Variants in TRDN observed in about 807,000 individuals in gnomAD.
TRDN encodes triadin.
TRDN carries 161 observed loss-of-function variants against 149.7 expected under a neutral mutation model. That is an observed-to-expected ratio of 1.08 (90% confidence interval 0.95 to 1.23). The LOEUF is 1.23. TRDN is among the 50% of genes most tolerant of loss of function. The probability of loss-of-function intolerance (pLI) is 0.00; values close to 1 mark genes in which losing one functional copy is unlikely to be tolerated. For synonymous variants in TRDN, 294 were observed against 250.5 expected (o/e 1.17, Z -1.64); for missense variants, 896 against 823.5 (o/e 1.09, Z -1.08).
intron 29 of TRDN, among the ~76,000 whole-genome samples, chr6:123,271,795 T>C (rs1777215063): frequency 6.6e-6 from 1 of 152,038 alleles, no homozygotes; most frequent in African/African-American, 2.4e-5. Context: ...TCAAATATCC[T>C]AAGTAGAAAG....
intron 12 of TRDN, among the ~76,000 whole-genome samples, chr6:123,425,910 A>G (rs1212527214): frequency 1.3e-5 from 2 of 151,358 alleles, no homozygotes; most frequent in Non-Finnish European, 2.9e-5. Flanking sequence ...TCTATCTATC[A>G]TCTATCTACA....
intron 13 of TRDN, among the ~76,000 whole-genome samples, chr6:123,391,620 T>A (rs999955827): frequency 2.0e-5 from 3 of 152,042 alleles, no homozygotes; most frequent in African/African-American, 7.2e-5. Context: ...AATAATTTCC[T>A]TAAATTATTT....
rs138633354 is a variant in TRDN, at chr6:123,262,050, G to C, written c.1805-1412C>G. 5.4e-3 allele frequency among the ~76,000 whole-genome samples: 814 copies of C among 151,934 alleles called. 7 individuals are homozygous for C. The highest frequency in any genetic ancestry group is 0.034 in the Middle Eastern group (10 of 294). On this transcript the variant is annotated intron_variant, in intron 33 of 40. Transcript: ENST00000334268. ...TTGAAATGCTCAATTTTTAATCCAG[G>C]TTACAGTCTGAGTATTCTAACAGGA...
intron 12 of TRDN, among the ~76,000 whole-genome samples, chr6:123,427,350 A>G (rs981074001): frequency 3.3e-5 from 5 of 151,934 alleles, no homozygotes; most frequent in African/African-American, 1.2e-4. Context: ...AATGATAACA[A>G]TAATAATAAT....
intron 12 of TRDN, among the ~76,000 whole-genome samples, chr6:123,436,428 C>T (rs187498362): frequency 3.9e-5 from 6 of 152,078 alleles, no homozygotes; most frequent in Non-Finnish European, 8.8e-5. Flanking sequence ...CTGGCTGATC[C>T]TTCTTGCTCA....
At chr6:123,350,487 A>T in intron 21 of TRDN, 1 of 560,628 alleles carries the variant, frequency 1.8e-6, no homozygotes, top group Non-Finnish European at 2.3e-6. Flanking sequence ...CTAATAGATT[A>T]TTTATACTTC....
At chr6:123,244,939 T>C (rs1700367625) in intron 38 of TRDN, among the ~76,000 whole-genome samples, 1 of 152,164 alleles carries the variant, frequency 6.6e-6, no homozygotes, top group South Asian at 2.1e-4. Context: ...GGGGCCAATA[T>C]TCAACATTCT....
At chr6:123,307,850 T>TA (rs1562254931) in intron 24 of TRDN, among the ~76,000 whole-genome samples, 1 of 152,046 alleles carries the variant, frequency 6.6e-6, no homozygotes, top group African/African-American at 2.4e-5. Context: ...TGCTCATTTT[T>TA]AAAAAATAAT....
intron 5 of TRDN, among the ~76,000 whole-genome samples, chr6:123,527,144 G>T (rs760633478): frequency 8.6e-5 from 13 of 151,878 alleles, no homozygotes; most frequent in African/African-American, 2.4e-4. Flanking sequence ...GTAGAAAAAG[G>T]TTATGGTAAC....
At chr6:123,377,531 C>T (rs185412492) in intron 18 of TRDN, among the ~76,000 whole-genome samples, 185 bp downstream of exon 18, 61 of 152,272 alleles carry the variant, frequency 4.0e-4, no homozygotes, top group African/African-American at 1.3e-3. Flanking sequence ...AAGAGTGTAA[C>T]ATTTGGCTTT....
At chr6:123,269,430 A>G (rs1777127882) in intron 31 of TRDN, among the ~76,000 whole-genome samples, 1 of 152,048 alleles carries the variant, frequency 6.6e-6, no homozygotes, top group Non-Finnish European at 1.5e-5. Flanking sequence ...ACAATTGTAT[A>G]TCATTTCATT....
intron 12 of TRDN, among the ~76,000 whole-genome samples, chr6:123,409,881 G>C (rs957075854): frequency 1.3e-5 from 2 of 152,146 alleles, no homozygotes; most frequent in African/African-American, 4.8e-5. Flanking sequence ...TTCAAACAAA[G>C]GGGAGGTGGA....
At chr6:123,484,932 A>G (rs943954964) in intron 9 of TRDN, among the ~76,000 whole-genome samples, 3 of 152,234 alleles carry the variant, frequency 2.0e-5, no homozygotes, top group African/African-American at 7.2e-5. Flanking sequence ...AAACTGACTG[A>G]GAGAGTGGTA....
intron 24 of TRDN, among the ~76,000 whole-genome samples, chr6:123,280,601 A>G (rs1448056385): frequency 6.7e-6 from 1 of 148,632 alleles, no homozygotes; most frequent in Non-Finnish European, 1.5e-5. Context: ...TTTTTTCATC[A>G]TCAGGGTTTA....
chr6:123,481,535 C>T (rs1777750986), intron 9 of TRDN, among the ~76,000 whole-genome samples: 1 of 151,974 alleles, frequency 6.6e-6, no homozygotes, highest in South Asian at 2.1e-4. Flanking sequence ...ATAATTTCCC[C>T]TGGTTCAATT....
chr6:123,449,840 G>A (rs1238016679), intron 10 of TRDN, among the ~76,000 whole-genome samples: 1 of 152,064 alleles, frequency 6.6e-6, no homozygotes, highest in Non-Finnish European at 1.5e-5. Context: ...ACCTCTAAAG[G>A]AAAAACCTAT....
At chr6:123,254,142 T>G (rs1356596802) in intron 37 of TRDN, among the ~76,000 whole-genome samples, 1 of 152,120 alleles carries the variant, frequency 6.6e-6, no homozygotes, top group Non-Finnish European at 1.5e-5. Context: ...TTAATTTATT[T>G]TTTTCTCATC....
intron 23 of TRDN, among the ~76,000 whole-genome samples, chr6:123,322,419 T>C (rs551099266): frequency 6.6e-6 from 1 of 152,184 alleles, no homozygotes; most frequent in South Asian, 2.1e-4. Context: ...TCTTTTGAAA[T>C]GGAAACATTA....
At chr6:123,635,881 C>T (rs931522192) in intron 1 of TRDN, among the ~76,000 whole-genome samples, 3 of 151,702 alleles carry the variant, frequency 2.0e-5, no homozygotes, top group African/African-American at 7.3e-5. Flanking sequence ...AGGTTTCCTT[C>T]ATTCTAAGAA....
Sources: gnomAD v4.1 joint callset for allele counts (sites outside exome capture counted in the v4.1 genomes callset) on GRCh38, gnomAD v4.1.1 for gene constraint, MANE v1.5 for transcripts, NCBI Gene and HGNC (gene_info 2026-07-23, HGNC 2026-07-21) for gene names.